Variants in TRPV1 observed in about 807,000 individuals in gnomAD.
TRPV1 encodes the protein transient receptor potential cation channel subfamily V member 1, also known as OTRPC1.
TRPV1 carries 82 observed loss-of-function variants against 82.3 expected under a neutral mutation model. That is an observed-to-expected ratio of 1.00 (90% CI 0.83 to 1.20). The LOEUF (loss-of-function observed/expected upper bound fraction) is 1.20, where lower values mean the gene tolerates loss of function less well. TRPV1 is among the 50% of genes most tolerant of loss of function. The pLI is 0.00. For synonymous variants in TRPV1, 515 were observed against 467.7 expected, an observed-to-expected ratio of 1.10 and a Z score of -1.30; for missense variants, 1,067 against 1,096.8, an observed-to-expected ratio of 0.97 and a Z score of 0.38.
intron 14 of TRPV1, 24 bp from the exon 15 acceptor site, chr17:3,572,273 A>G: frequency 6.3e-7 from 1 of 1,589,692 alleles, no homozygotes; most frequent in South Asian, 1.1e-5. Flanking sequence ...CCAAGGGCAG[A>G]GGAGCTGAGG....
At chr17:3,584,623 C>T (rs2075062171) in intron 9 of TRPV1, among the ~76,000 whole-genome samples, 1 of 151,832 alleles carries the variant, frequency 6.6e-6, no homozygotes, top group African/African-American at 2.4e-5. Flanking sequence ...CGGTGAAATC[C>T]CATCTCTACT....
chr17:3,566,762 G>A lies in TRPV1; in HGVS notation c.*53C>T, dbSNP rs2074768564. ...TGGTGTTCCCTCAGCAGCCCCCCGT[G>A]GCAACGGGGTCTCCTAAGGCCCAGT... On this transcript the variant is annotated 3_prime_UTR_variant, in exon 17 of 17. Transcript: ENST00000572705. 21 of 1,582,046 alleles carry A rather than the reference G, an allele frequency of 1.3e-5. No individual in the cohort carries two copies. Among genetic ancestry groups the A allele is most frequent in the Admixed American group, 1.7e-5 (1 of 57,820 alleles).
intron 13 of TRPV1, among the ~76,000 whole-genome samples, chr17:3,575,195 C>T (rs954678866): frequency 6.6e-6 from 1 of 151,890 alleles, no homozygotes; most frequent in Non-Finnish European, 1.5e-5. Flanking sequence ...GTTAGAAGAT[C>T]ATCTTCTCTG....
intron 10 of TRPV1, among the ~76,000 whole-genome samples, chr17:3,582,206 A>AAAAAAAAAAAAAAAAAAAAAAAAC (rs2075029872): frequency 6.8e-6 from 1 of 146,016 alleles, no homozygotes. Flanking sequence ...AAAAAAAAAA[A>AAAAAAAAAAAAAAAAAAAAAAAAC]AAAAAAAATC....
intron 2 of TRPV1, among the ~76,000 whole-genome samples, chr17:3,604,440 A>C (rs946096769): frequency 3.3e-5 from 5 of 152,060 alleles, no homozygotes; most frequent in South Asian, 4.1e-4. Flanking sequence ...TCTATTAAAA[A>C]TACAAAAATT....
chr17:3,576,677 A>ATATG (rs1555549480), intron 13 of TRPV1, among the ~76,000 whole-genome samples: 3 of 95,250 alleles, frequency 3.1e-5, no homozygotes, highest in East Asian at 6.6e-4. Flanking sequence ...AAATATATAT[A>ATATG]TATATATATA....
chr17:3,576,668 A>AATAT lies in TRPV1; in HGVS notation c.1780+454_1780+457dup, dbSNP rs1555549458. Among the ~76,000 whole-genome samples the AATAT allele has an allele frequency of 2.1e-3, 82 of 38,386 alleles. 3 individuals carry two copies. The highest frequency in any genetic ancestry group is 4.1e-3 in the African/African-American group (56 of 13,712). 25.2% of individuals were successfully genotyped at this position (38,386 alleles called of 152,430 possible). On this transcript the variant is annotated intron_variant, in intron 13 of 16. Transcript: ENST00000572705. ...CTCTGTATGAGAAAAAAAAAAAAAA[A>AATAT]ATATATATATATATATATATATGCA...
intron 13 of TRPV1, among the ~76,000 whole-genome samples, chr17:3,576,197 G>A (rs1301447914): frequency 6.6e-6 from 1 of 151,964 alleles, no homozygotes; most frequent in East Asian, 1.9e-4. Context: ...ACTCCAGCCT[G>A]GGCAACAGCA....
chr17:3,604,737 C>A (rs913220127), intron 2 of TRPV1, among the ~76,000 whole-genome samples: 1 of 152,142 alleles, frequency 6.6e-6, no homozygotes, highest in African/African-American at 2.4e-5. Context: ...GGAAAAGCAG[C>A]GGCTGGTGGG....
chr17:3,571,101 G>A (rs1025613693), intron 16 of TRPV1, among the ~76,000 whole-genome samples: 3 of 152,190 alleles, frequency 2.0e-5, no homozygotes, highest in Admixed American at 6.5e-5. Flanking sequence ...GTCCATGAGT[G>A]ACAAGTGTTC....
rs189632790 is a variant in TRPV1, at chr17:3,573,972, G to C, written c.1781-17C>G. ...TCACCACCGCTACAGGGCACAGGGA[G>C]GGCGGGGTGCCACTGGATAGAAGCC... On this transcript the variant is annotated splice_polypyrimidine_tract_variant and intron_variant, in intron 13 of 16. Coordinates refer to ENST00000572705, the MANE Select transcript of TRPV1 (RefSeq NM_080704.4). 2 of 1,573,012 alleles carry C rather than the reference G, an allele frequency of 1.3e-6. No individual in the cohort carries two copies. The highest frequency in any genetic ancestry group is 1.2e-5 in the South Asian group (1 of 85,746).
chr17:3,592,043 G>T (rs1258657384), intron 3 of TRPV1, 24 bp downstream of exon 3: 1 of 1,602,106 alleles, frequency 6.2e-7, no homozygotes, highest in South Asian at 1.1e-5. Context: ...CCAGCAGGGA[G>T]GGGGGCTCCA....
At position 3,571,451 on chromosome 17, in the gene TRPV1, C is replaced by T; in HGVS notation, c.2347+73G>A. 3 of 1,248,470 alleles carry T rather than the reference C, an allele frequency of 2.4e-6. No individual in the cohort carries two copies. In the South Asian group the frequency reaches 4.1e-5, roughly 17 times the overall value. 77.3% of individuals were successfully genotyped at this position (1,248,470 alleles called of 1,614,324 possible). On this transcript the variant is annotated intron_variant, in intron 16 of 16. Transcript: ENST00000572705. ...GAGGAACCCGGCAAGGCGTGGGGAA[C>T]CTGCAAAGCTCCCCCTGCCCAACAT...
intron 8 of TRPV1, among the ~76,000 whole-genome samples, chr17:3,587,700 C>A (rs957472983): frequency 6.6e-6 from 1 of 152,098 alleles, no homozygotes; most frequent in African/African-American, 2.4e-5. Flanking sequence ...TGCCTGTAAT[C>A]CCAGCTACTT....
Position 3,592,273 on chromosome 17 carries a change from A to G in TRPV1, c.78T>C (p.Asp26=), listed in dbSNP as rs1274967401. ...LQKDTCPDPL[D]GDPNSRPPPA... ...GAGGTGGCCTGGAGTTAGGGTCTCC[A>G]TCCAGGGGGTCTGGGCAGGTGTCCT... Residue 26 remains aspartate (D), a synonymous_variant, in exon 3 of 17, where the codon GAT becomes GAC. Coordinates refer to ENST00000572705, the MANE Select transcript of TRPV1 (RefSeq NM_080704.4). 1.9e-6 allele frequency: 3 copies of G among 1,606,838 alleles called. No individual in the cohort carries two copies. In the Admixed American group the frequency reaches 5.1e-5, roughly 27 times the overall value.
rs1567659290 is a variant in TRPV1, at chr17:3,573,824, G to C, written c.1912C>G (p.Leu638Val). Reference protein sequence around the residue: ...YNSLYSTCLELFKFTIGMGDL... With the variant: ...YNSLYSTCLEVFKFTIGMGDL... ...CCCATGCCGATGGTGAACTTGAACA[G>C]CTCCAGGCAGGTGGAGTACAGGCTG... The change falls in exon 14 of 17, where the codon CTG becomes GTG. Residue 638 changes from leucine to valine, a missense_variant. By Grantham distance (32) the Leu-to-Val change is conservative. Transcript: ENST00000572705. 1 of 1,613,750 alleles carries C rather than the reference G, an allele frequency of 6.2e-7. No homozygotes were observed. The highest frequency in any genetic ancestry group is 1.7e-5 in the Admixed American group (1 of 59,966).
At chr17:3,583,210 G>C in intron 10 of TRPV1, 128 bp downstream of exon 10, 1 of 838,034 alleles carries the variant, frequency 1.2e-6, no homozygotes, top group Non-Finnish European at 1.9e-6. Flanking sequence ...TCACCTCTGC[G>C]TCTCTCAGCT....
intron 8 of TRPV1, 68 bp from the exon 9 acceptor site, chr17:3,585,994 C>A: frequency 6.3e-7 from 1 of 1,584,702 alleles, no homozygotes; most frequent in South Asian, 1.1e-5. Flanking sequence ...CACACCAGCC[C>A]GTGGTGCCCC....
intron 2 of TRPV1, among the ~76,000 whole-genome samples, chr17:3,595,377 G>C (rs1419612222): frequency 6.6e-6 from 1 of 152,076 alleles, no homozygotes; most frequent in Non-Finnish European, 1.5e-5. Context: ...GCTCCACCAC[G>C]ATGCTGGAGG....
Sources: allele counts gnomAD v4.1 joint callset (sites outside exome capture counted in the v4.1 genomes callset), GRCh38; gene constraint gnomAD v4.1.1; transcripts MANE v1.5; gene names NCBI Gene and HGNC (gene_info 2026-07-23, HGNC 2026-07-21).